Variants in PARD3B observed in about 807,000 individuals in gnomAD.
PARD3B encodes partitioning defective 3 homolog B.
A neutral mutation model predicts 130.2 loss-of-function variants in PARD3B; 103 were observed. The ratio of observed to expected loss-of-function variants is 0.79; its 90% CI spans 0.67 to 0.93. The LOEUF (loss-of-function observed/expected upper bound fraction) is 0.93. Among genes scored for constraint, PARD3B ranks in the 40% least tolerant of loss-of-function variants. The probability of loss-of-function intolerance (pLI) is 0.00; values close to 1 mark genes in which losing one functional copy is unlikely to be tolerated. For synonymous variants in PARD3B, 583 were observed against 553.2 expected (o/e 1.05, Z -0.76); for missense variants, 1,609 against 1,499.2 (o/e 1.07, Z -1.21).
chr2:204,831,009 T>G (rs984422225), intron 2 of PARD3B, among the ~76,000 whole-genome samples: 7 of 152,234 alleles, frequency 4.6e-5, no homozygotes, highest in African/African-American at 1.7e-4. Context: ...CCTTTTATTA[T>G]CTAAATAACT....
intron 2 of PARD3B, among the ~76,000 whole-genome samples, chr2:204,714,114 C>G (rs189670889): frequency 4.8e-4 from 73 of 152,230 alleles, no homozygotes; most frequent in African/African-American, 1.7e-3. Flanking sequence ...TCCTGTACTA[C>G]AGGGTTAATC....
At chr2:204,826,925 C>A (rs2043601187) in intron 2 of PARD3B, among the ~76,000 whole-genome samples, 1 of 152,044 alleles carries the variant, frequency 6.6e-6, no homozygotes, top group African/African-American at 2.4e-5. Flanking sequence ...GAGGCTGAGG[C>A]AGGAGGATCA....
At chr2:204,670,085 G>T (rs114775544) in intron 1 of PARD3B, among the ~76,000 whole-genome samples, 1 of 152,024 alleles carries the variant, frequency 6.6e-6, no homozygotes, top group Non-Finnish European at 1.5e-5. Context: ...AAGACTAAAA[G>T]ATCTAAAAGA....
intron 13 of PARD3B, among the ~76,000 whole-genome samples, chr2:205,179,562 C>T (rs1360983104): frequency 6.6e-6 from 1 of 152,134 alleles, no homozygotes; most frequent in East Asian, 1.9e-4. Flanking sequence ...CTGTAGTATT[C>T]AGTAAATGCT....
rs1163164212 is a variant in PARD3B, at chr2:205,288,098, T to A, written c.2186-12432T>A. On this transcript the variant is annotated intron_variant, in intron 16 of 22. Coordinates refer to ENST00000406610, the MANE Select transcript of PARD3B (RefSeq NM_001302769.2). This position sits in a 1 kb window ranked among gnomAD's most constrained non-coding sequence, Gnocchi z 4.0. ...AATCATTATATATTACCAAATATAGTAAAGCGTGCTTACGAGGAGATAGCA... is the reference window on the plus strand; with the variant it reads ...AATCATTATATATTACCAAATATAGAAAAGCGTGCTTACGAGGAGATAGCA... Among the ~76,000 whole-genome samples the A allele has an allele frequency of 2.0e-5, 3 of 152,150 alleles. No homozygotes were observed. Among genetic ancestry groups the A allele is most frequent in the Non-Finnish European group, 2.9e-5 (2 of 68,042 alleles).
intron 2 of PARD3B, among the ~76,000 whole-genome samples, chr2:204,803,138 C>T (rs1290861706): frequency 9.6e-6 from 1 of 104,638 alleles, no homozygotes; most frequent in Non-Finnish European, 1.8e-5. Flanking sequence ...ATTTAAAGTG[C>T]TGAAGGAAAA....
At chr2:205,059,196 C>T (rs1038267783) in intron 4 of PARD3B, among the ~76,000 whole-genome samples, 1 of 151,924 alleles carries the variant, frequency 6.6e-6, no homozygotes, top group Non-Finnish European at 1.5e-5. Context: ...TATTCTTTCC[C>T]CCATTGAATG....
intron 15 of PARD3B, among the ~76,000 whole-genome samples, chr2:205,204,924 C>A (rs1270910694): frequency 2.0e-5 from 3 of 152,120 alleles, no homozygotes; most frequent in Non-Finnish European, 2.9e-5. Context: ...GCTGTCTTGG[C>A]TATATGGGCT....
intron 2 of PARD3B, among the ~76,000 whole-genome samples, chr2:204,827,826 G>T (rs1293058459): frequency 6.6e-6 from 1 of 152,158 alleles, no homozygotes; most frequent in African/African-American, 2.4e-5. Context: ...TCGTTCCCTG[G>T]AGTAAATGGC....
chr2:205,296,565 T>C (rs2041798780), intron 16 of PARD3B, among the ~76,000 whole-genome samples: 1 of 152,080 alleles, frequency 6.6e-6, no homozygotes, highest in South Asian at 2.1e-4. Context: ...AGGTGGTAGC[T>C]CTCTCATGGG....
intron 2 of PARD3B, among the ~76,000 whole-genome samples, chr2:204,877,212 G>A (rs531379062): frequency 6.6e-6 from 1 of 152,130 alleles, no homozygotes; most frequent in South Asian, 2.1e-4. Context: ...TTGGACACAG[G>A]AAGGAAGGGG....
chr2:205,061,356 C>T (rs1009229199), intron 4 of PARD3B, among the ~76,000 whole-genome samples: 9 of 152,112 alleles, frequency 5.9e-5, no homozygotes, highest in African/African-American at 2.2e-4. Flanking sequence ...CTGCTTGGTT[C>T]AAAGCTAGCT....
At chr2:205,210,855 T>G (rs1482669578) in intron 15 of PARD3B, among the ~76,000 whole-genome samples, 2 of 152,136 alleles carry the variant, frequency 1.3e-5, no homozygotes, top group Non-Finnish European at 2.9e-5. Flanking sequence ...AGCATTTCCT[T>G]TATAAGGCTG....
At chr2:204,991,518 A>C (rs1450894757) in intron 3 of PARD3B, among the ~76,000 whole-genome samples, 4 of 141,024 alleles carry the variant, frequency 2.8e-5, no homozygotes, top group African/African-American at 8.1e-5. Context: ...GCTATTGTGA[A>C]TAATGCCGCA....
intron 3 of PARD3B, among the ~76,000 whole-genome samples, chr2:204,998,335 T>TACACAC (rs1361578552): frequency 1.6e-5 from 1 of 62,236 alleles, no homozygotes; most frequent in East Asian, 3.0e-4. Context: ...TATATATATA[T>TACACAC]ATATATATAT....
chr2:205,537,232 G>A (rs2051903108), intron 21 of PARD3B, among the ~76,000 whole-genome samples: 2 of 151,880 alleles, frequency 1.3e-5, no homozygotes, highest in Admixed American at 1.3e-4. Context: ...GCTATACTGG[G>A]GCATAATGAA....
chr2:204,752,267 A>G (rs911630465), intron 2 of PARD3B, among the ~76,000 whole-genome samples: 1 of 152,096 alleles, frequency 6.6e-6, no homozygotes, highest in Non-Finnish European at 1.5e-5. Context: ...TGTCTTTATG[A>G]TTCCATTTTC....
intron 2 of PARD3B, among the ~76,000 whole-genome samples, chr2:204,919,538 A>G (rs1248802134): frequency 1.3e-5 from 2 of 152,146 alleles, no homozygotes; most frequent in Non-Finnish European, 2.9e-5. Flanking sequence ...TTTGTTCAGC[A>G]TGTTTTTGAG....
At chr2:204,743,657 T>C (rs2040101782) in intron 2 of PARD3B, among the ~76,000 whole-genome samples, 1 of 152,194 alleles carries the variant, frequency 6.6e-6, no homozygotes, top group South Asian at 2.1e-4. Flanking sequence ...TCCCATAGCT[T>C]CCTGAGTGGC....
Sources: gnomAD v4.1 joint callset for allele counts (sites outside exome capture counted in the v4.1 genomes callset) on GRCh38, gnomAD v4.1.1 for gene constraint, Gnocchi (gnomAD v3.1) non-coding constraint, MANE v1.5 for transcripts, NCBI Gene and HGNC (gene_info 2026-07-23, HGNC 2026-07-21) for gene names.